JADE3: variants seen among roughly 807,000 people sequenced by gnomAD.
JADE3 encodes protein Jade-3.
Under a neutral mutation model 50.1 loss-of-function variants are expected in JADE3, and 2 were observed. The observed-to-expected ratio is 0.04, with a 90% CI of 0.02 to 0.13. JADE3 has a LOEUF of 0.13. Ranked by LOEUF, JADE3 falls within the 10% of genes least tolerant of loss-of-function variation. The pLI is 1.00. For synonymous variants in JADE3, 218 were observed against 232.9 expected, an observed-to-expected ratio of 0.94 and a Z score of 0.58; for missense variants, 475 against 634.4, an observed-to-expected ratio of 0.75 and a Z score of 2.70.
intron 4 of JADE3, among the ~76,000 whole-genome samples, chrX:47,013,543 A>G: frequency 8.9e-6 from 1 of 112,325 alleles, no homozygotes; most frequent in Non-Finnish European, 1.9e-5. Flanking sequence ...AAGCAATGAT[A>G]CCAGCCATTT....
rs181416691 is a variant in JADE3 at position 46,973,191 on chromosome X, G to A, written c.-11-11693G>A. Among the ~76,000 whole-genome samples, 600 of 112,458 alleles carry A rather than the reference G, an allele frequency of 5.3e-3. 2 individuals carry two copies. Among genetic ancestry groups the A allele is most frequent in the South Asian group, 0.023 (62 of 2,707 alleles). On this transcript the variant is annotated intron_variant, in intron 1 of 10. Coordinates refer to ENST00000614628, the MANE Select transcript of JADE3 (RefSeq NM_014735.5). ...AAAGAGGGTAAGCCTGGTTCCTGGT[G>A]ACAGAGATAATTGTGGTTGACAAAG...
intron 1 of JADE3, among the ~76,000 whole-genome samples, chrX:46,966,107 G>T (rs1044311044): frequency 4.5e-5 from 5 of 111,967 alleles, no homozygotes; most frequent in African/African-American, 1.6e-4. Flanking sequence ...TTAACTGACA[G>T]GGCTTAATAA....
chrX:46,954,491 T>C (rs1181275726), intron 1 of JADE3, among the ~76,000 whole-genome samples: 1 of 112,023 alleles, frequency 8.9e-6, no homozygotes, highest in East Asian at 2.8e-4. Context: ...GCAGAGCACA[T>C]GTTTTTATGT....
intron 1 of JADE3, among the ~76,000 whole-genome samples, chrX:46,943,261 A>G (rs782437633): frequency 9.2e-4 from 103 of 111,958 alleles, no homozygotes; most frequent in Middle Eastern, 9.2e-3. Context: ...GAGAATGGGC[A>G]TCCTTGTCTT....
chrX:46,921,657 C>G lies in JADE3; in HGVS notation c.-12+8938C>G, dbSNP rs1182233350. 3.6e-5 allele frequency among the ~76,000 whole-genome samples: 4 copies of G among 111,670 alleles called. No homozygotes were observed. In the East Asian group the frequency reaches 8.4e-4, roughly 24 times the overall value. ...TATTCTACCTTCATTTATTCCTTTT[C>G]CAATGCTTTTCATTTCTTTATGGTA... On this transcript the variant is annotated intron_variant, in intron 1 of 10. Transcript: ENST00000614628.
At chrX:47,010,268 G>T (rs1042752231) in intron 4 of JADE3, among the ~76,000 whole-genome samples, 4 of 110,969 alleles carry the variant, frequency 3.6e-5, no homozygotes, top group Non-Finnish European at 7.6e-5. Context: ...CGCTCTTGTT[G>T]CCCAGGCTGG....
intron 10 of JADE3, among the ~76,000 whole-genome samples, chrX:47,056,459 A>G (rs1461797159): frequency 9.0e-6 from 1 of 111,713 alleles, no homozygotes; most frequent in African/African-American, 3.3e-5. Flanking sequence ...ATTCGAGGCC[A>G]TTAGTGGAAG....
chrX:46,955,534 T>C (rs782567428), intron 1 of JADE3, among the ~76,000 whole-genome samples: 1 of 112,347 alleles, frequency 8.9e-6, no homozygotes, highest in African/African-American at 3.2e-5. Flanking sequence ...ATTTATTCCT[T>C]ATTGATTGTG....
chrX:46,937,011 C>T (rs1453836601), intron 1 of JADE3, among the ~76,000 whole-genome samples: 1 of 111,372 alleles, frequency 9.0e-6, no homozygotes, highest in African/African-American at 3.3e-5. Context: ...TTCATAGTTC[C>T]CTAAGGTAAA....
intron 1 of JADE3, among the ~76,000 whole-genome samples, chrX:46,954,043 G>A (rs915666620): frequency 2.7e-5 from 3 of 111,933 alleles, no homozygotes; most frequent in Non-Finnish European, 5.6e-5. Flanking sequence ...ATTTTAGGAT[G>A]TTAAGTGCTT....
chrX:46,934,549 C>T (rs190472637), intron 1 of JADE3, among the ~76,000 whole-genome samples: 4 of 111,106 alleles, frequency 3.6e-5, no homozygotes, highest in East Asian at 2.8e-4. Flanking sequence ...CTGCCCGCCT[C>T]GGCCTCCCAA....
chrX:47,051,633 C>A (rs968685205), intron 8 of JADE3, among the ~76,000 whole-genome samples: 2 of 109,684 alleles, frequency 1.8e-5, no homozygotes, highest in East Asian at 5.8e-4. Context: ...CCCGTCTCTA[C>A]TATAAATACA....
rs1439437404 is a variant in JADE3 at position 46,970,465 on chromosome X, T to C, written c.-11-14419T>C. Among the ~76,000 whole-genome samples, 5 of 111,728 alleles carry C rather than the reference T, an allele frequency of 4.5e-5. No homozygotes were observed. The Admixed American group carries it at 4.7e-4, about 11-fold the overall frequency. ...TTAACTCAAACCCCCCTCTAATTGGTTTGTCACACATCATTGGTTAACAGT... is the reference window on the plus strand; with the variant it reads ...TTAACTCAAACCCCCCTCTAATTGGCTTGTCACACATCATTGGTTAACAGT... On this transcript the variant is annotated intron_variant, in intron 1 of 10. Transcript: ENST00000614628.
chrX:46,995,231 G>A (rs781970819), intron 3 of JADE3, among the ~76,000 whole-genome samples: 4 of 110,212 alleles, frequency 3.6e-5, no homozygotes, highest in Non-Finnish European at 5.7e-5. Context: ...TGGTTTCACC[G>A]TGTTAACCAG....
chrX:47,043,894 G>C lies in JADE3; in HGVS notation c.972+4829G>C, dbSNP rs182057874. On this transcript the variant is annotated intron_variant, in intron 8 of 10. Coordinates refer to ENST00000614628, the MANE Select transcript of JADE3 (RefSeq NM_014735.5). ...CTGGAGCTGAAAAATGCAATTGACA[G>C]ACTGAAGAATACATCAGAGTCTCTT... Among the ~76,000 whole-genome samples, 30 of 109,866 alleles carry C rather than the reference G, an allele frequency of 2.7e-4. No homozygotes were observed. The East Asian group carries it at 8.2e-3, about 30-fold the overall frequency.
At chrX:47,057,759 G>T (rs1556373640) in intron 10 of JADE3, among the ~76,000 whole-genome samples, 6 of 111,949 alleles carry the variant, frequency 5.4e-5, no homozygotes, top group Non-Finnish European at 1.1e-4. Flanking sequence ...TGAAATGTGT[G>T]TGTTTAAGAC....
At chrX:47,047,059 C>T (rs1556370848) in intron 8 of JADE3, among the ~76,000 whole-genome samples, 1 of 111,385 alleles carries the variant, frequency 9.0e-6, no homozygotes. Flanking sequence ...GGGTTGGATG[C>T]AGTGGCTCAT....
intron 1 of JADE3, among the ~76,000 whole-genome samples, chrX:46,923,530 G>A (rs1556338261): frequency 1.9e-5 from 2 of 103,473 alleles, no homozygotes; most frequent in Non-Finnish European, 3.9e-5. Flanking sequence ...TCCAACCTCA[G>A]CCTCCTGAGT....
chrX:46,963,200 G>A (rs919660223), intron 1 of JADE3, among the ~76,000 whole-genome samples: 5 of 111,707 alleles, frequency 4.5e-5, no homozygotes, highest in Non-Finnish European at 9.4e-5. Context: ...GACAGGGGAG[G>A]TACCTTATGG....
Sources: allele counts gnomAD v4.1 joint callset (sites outside exome capture counted in the v4.1 genomes callset), GRCh38; gene constraint gnomAD v4.1.1; transcripts MANE v1.5; gene names NCBI Gene and HGNC (gene_info 2026-07-23, HGNC 2026-07-21).